The following CADPS2 variants were observed in gnomAD, a reference collection of about 807,000 sequenced individuals.
CADPS2 encodes calcium dependent secretion activator 2.
Under a neutral mutation model 172.5 loss-of-function variants are expected in CADPS2, and 93 were observed. That is an observed-to-expected ratio of 0.54 (90% CI 0.46 to 0.64). The LOEUF is 0.64. Among genes scored for constraint, CADPS2 ranks in the 30% least tolerant of loss-of-function variants. The pLI, the probability that CADPS2 is intolerant of heterozygous loss-of-function variation, is 0.00. For missense variants in CADPS2, 1,420 were observed against 1,565.9 expected (o/e 0.91, Z 1.57); for synonymous variants, 546 against 555.2 (o/e 0.98, Z 0.23).
intron 3 of CADPS2, among the ~76,000 whole-genome samples, chr7:122,647,162 A>AG (rs2078653484): frequency 6.6e-6 from 1 of 152,170 alleles, no homozygotes; most frequent in South Asian, 2.1e-4. Context: ...GGTGGATAGC[A>AG]GGGGGCAGTG....
chr7:122,645,088 A>T (rs923074360), intron 3 of CADPS2, among the ~76,000 whole-genome samples: 6 of 151,770 alleles, frequency 4.0e-5, no homozygotes, highest in Admixed American at 3.9e-4. Flanking sequence ...TAAATAATGG[A>T]TCAAAATGTT....
In CADPS2 at chr7:122,407,533, T is replaced by A; in HGVS notation, c.2746+7A>T. 2.5e-6 allele frequency: 4 copies of A among 1,605,878 alleles called. No homozygotes were observed. Among genetic ancestry groups the A allele is most frequent in the Non-Finnish European group, 3.4e-6 (4 of 1,176,226 alleles). ...TTTCACATATGAAAGAAAACGCAAA[T>A]GCTCACTGTCATTTCGGAGGAAATT... On this transcript the variant is annotated splice_region_variant and intron_variant, in intron 20 of 29. Coordinates refer to ENST00000449022, the MANE Select transcript of CADPS2 (RefSeq NM_017954.11).
intron 3 of CADPS2, among the ~76,000 whole-genome samples, chr7:122,650,912 T>C (rs1185158386): frequency 2.0e-5 from 3 of 152,124 alleles, no homozygotes; most frequent in Non-Finnish European, 2.9e-5. Context: ...TTATGGCCAC[T>C]CCAATGATTA....
intron 17 of CADPS2, 96 bp from the exon 18 acceptor site, chr7:122,416,260 G>A: frequency 8.0e-5 from 39 of 490,268 alleles, no homozygotes; most frequent in South Asian, 3.0e-4. Context: ...GAAATAGAAT[G>A]AGAAATAAGA....
intron 2 of CADPS2, among the ~76,000 whole-genome samples, chr7:122,706,872 T>C (rs1479478618): frequency 2.7e-5 from 4 of 150,602 alleles, no homozygotes; most frequent in African/African-American, 9.7e-5. Flanking sequence ...CTTACCAGAC[T>C]TCCCTCAATG....
chr7:122,527,635 T>G (rs1396227811), intron 8 of CADPS2, among the ~76,000 whole-genome samples: 1 of 144,822 alleles, frequency 6.9e-6, no homozygotes, highest in African/African-American at 2.5e-5. Context: ...TGTGTGTGTG[T>G]GTGTGTGTGT....
chr7:122,508,460 T>A, intron 9 of CADPS2, among the ~76,000 whole-genome samples: 1 of 115,354 alleles, frequency 8.7e-6, no homozygotes, highest in East Asian at 2.3e-4. Flanking sequence ...TTTTTTTTTT[T>A]TTTTTTTTTT....
intron 8 of CADPS2, among the ~76,000 whole-genome samples, chr7:122,516,945 G>A (rs1453159501): frequency 6.6e-6 from 1 of 151,940 alleles, no homozygotes; most frequent in Non-Finnish European, 1.5e-5. Context: ...CCTGTTTCAG[G>A]TATCTAATTT....
intron 1 of CADPS2, among the ~76,000 whole-genome samples, chr7:122,862,901 A>G (rs1046880108): frequency 6.6e-6 from 1 of 152,234 alleles, no homozygotes; most frequent in Non-Finnish European, 1.5e-5. Flanking sequence ...CTAGTCAAGA[A>G]GATAAAGTAG....
At chr7:122,496,271 C>A (rs1369358984) in intron 9 of CADPS2, among the ~76,000 whole-genome samples, 5 of 152,150 alleles carry the variant, frequency 3.3e-5, no homozygotes, top group African/African-American at 1.2e-4. Flanking sequence ...AGTCAATACT[C>A]CTGCCTCAGC....
At chr7:122,429,507 A>C (rs148592268) in intron 17 of CADPS2, among the ~76,000 whole-genome samples, 50 of 152,178 alleles carry the variant, frequency 3.3e-4, no homozygotes, top group Middle Eastern at 3.4e-3. Context: ...TTTGTCCCTC[A>C]TCAACAGGTG....
At chr7:122,776,487 T>A (rs1344176803) in intron 1 of CADPS2, among the ~76,000 whole-genome samples, 1 of 151,028 alleles carries the variant, frequency 6.6e-6, no homozygotes, top group Non-Finnish European at 1.5e-5. Flanking sequence ...GGTACTGCTA[T>A]AAGGATACCC....
intron 11 of CADPS2, among the ~76,000 whole-genome samples, chr7:122,488,973 A>G (rs2058069665): frequency 6.6e-6 from 1 of 152,214 alleles, no homozygotes; most frequent in Admixed American, 6.5e-5. Flanking sequence ...ATTTTCAAAT[A>G]CAGTGAAAAC....
chr7:122,391,420 G>C (rs547224932), intron 22 of CADPS2, among the ~76,000 whole-genome samples: 11 of 151,926 alleles, frequency 7.2e-5, no homozygotes, highest in African/African-American at 2.7e-4. Flanking sequence ...AATAAATTTC[G>C]CAGGATAATG....
intron 27 of CADPS2, chr7:122,354,499 T>C (rs1431953658): frequency 6.6e-6 from 1 of 152,154 alleles, no homozygotes; most frequent in African/African-American, 2.4e-5. Context: ...TTGTCAAACA[T>C]GATCTTTTAT....
chr7:122,860,606 T>C (rs1214080374), intron 1 of CADPS2, among the ~76,000 whole-genome samples: 1 of 152,124 alleles, frequency 6.6e-6, no homozygotes, highest in Non-Finnish European at 1.5e-5. Context: ...CATTAAAACA[T>C]TTAAGAAAGA....
intron 2 of CADPS2, among the ~76,000 whole-genome samples, chr7:122,722,913 A>G: frequency 6.6e-6 from 1 of 152,098 alleles, no homozygotes; most frequent in Admixed American, 6.6e-5. Context: ...AAACCTGACA[A>G]AAACAAGCAA....
At chr7:122,441,891 T>C (rs774489468) in intron 15 of CADPS2, among the ~76,000 whole-genome samples, 2 of 152,226 alleles carry the variant, frequency 1.3e-5, no homozygotes, top group Non-Finnish European at 2.9e-5. Context: ...TCTGCAATAA[T>C]TTCTTGTTTA....
intron 1 of CADPS2, among the ~76,000 whole-genome samples, chr7:122,859,104 C>A (rs1224085703): frequency 2.0e-5 from 3 of 152,204 alleles, no homozygotes; most frequent in Non-Finnish European, 2.9e-5. Context: ...AGAATACATT[C>A]CTGATTCCCC....
Sources: allele counts gnomAD v4.1 joint callset (sites outside exome capture counted in the v4.1 genomes callset), GRCh38; gene constraint gnomAD v4.1.1; transcripts MANE v1.5; gene names NCBI Gene and HGNC (gene_info 2026-07-23, HGNC 2026-07-21).